RAB11A: variants seen among roughly 807,000 people sequenced by gnomAD.
RAB11A encodes the protein RAB11A, member RAS oncogene family.
RAB11A carries 9 observed loss-of-function variants against 28.0 expected under a neutral mutation model. The ratio of observed to expected loss-of-function variants is 0.32; its 90% confidence interval spans 0.19 to 0.56. RAB11A has a LOEUF of 0.56. RAB11A is among the 20% of genes least tolerant of loss of function. RAB11A has a pLI of 0.91. For synonymous variants in RAB11A, 85 were observed against 88.2 expected, an observed-to-expected ratio of 0.96 and a Z score of 0.20; for missense variants, 108 against 269.6, an observed-to-expected ratio of 0.40 and a Z score of 4.20.
intron 4 of RAB11A, among the ~76,000 whole-genome samples, chr15:65,883,542 G>A (rs1160008926): frequency 1.3e-5 from 2 of 152,140 alleles, no homozygotes; most frequent in Non-Finnish European, 2.9e-5. Context: ...ATGTCTGCTA[G>A]GTTTCTCCAT....
intron 1 of RAB11A, among the ~76,000 whole-genome samples, chr15:65,871,353 G>A (rs541460156): frequency 1.3e-5 from 2 of 152,324 alleles, no homozygotes; most frequent in East Asian, 3.9e-4. Context: ...CAAAACTGAG[G>A]CCTGGATTAC....
chr15:65,891,125 G>A lies in RAB11A; in HGVS notation c.*3285G>A, dbSNP rs1260405638. The A allele has an allele frequency of 6.6e-6, 1 of 152,078 alleles. No homozygotes were observed. Among genetic ancestry groups the A allele is most frequent in the African/African-American group, 2.4e-5 (1 of 41,388 alleles). The allele number at this position is 152,078 out of a possible 1,614,324, so 9.4% of individuals were successfully genotyped here. The stretch of plus-strand genomic sequence containing the variant: ...GGTGCTGGTGCCACGCCCCTTTCTG[G>A]GATTTGACAAGTCTTTCCCACTCAC... On this transcript the variant is annotated 3_prime_UTR_variant, in exon 5 of 5. Transcript: ENST00000261890.
intron 4 of RAB11A, among the ~76,000 whole-genome samples, chr15:65,884,152 TAA>T (rs535422060): frequency 6.9e-6 from 1 of 144,596 alleles, no homozygotes; most frequent in South Asian, 2.2e-4. Flanking sequence ...AAATTAAAAT[TAA>T]AAAAAAAAAG....
chr15:65,874,670 A>G (rs1034977813), intron 1 of RAB11A, among the ~76,000 whole-genome samples: 10 of 152,146 alleles, frequency 6.6e-5, no homozygotes, highest in African/African-American at 2.2e-4. Flanking sequence ...TTATGATGGT[A>G]TAAGGAGTTG....
chr15:65,869,536 G>A lies in RAB11A; in HGVS notation c.-50G>A. The stretch of plus-strand genomic sequence containing the variant: ...GTTACCCCTGCAGCGACGCCCCCTG[G>A]TCCCACAGATACCACTGCTGCTCCC... On this transcript the variant is annotated 5_prime_UTR_variant, in exon 1 of 5. Coordinates refer to ENST00000261890, the MANE Select transcript of RAB11A (RefSeq NM_004663.5). The A allele has an allele frequency of 6.2e-7, 1 of 1,600,370 alleles. No homozygotes were observed.
At position 65,877,734 on chromosome 15, in the gene RAB11A, C is replaced by A; in HGVS notation, c.237-28C>A. 1 of 1,525,562 alleles carries A rather than the reference C, an allele frequency of 6.6e-7. No homozygotes were observed. The highest frequency in any genetic ancestry group is 1.2e-5 in the South Asian group (1 of 81,364). 94.5% of individuals were successfully genotyped at this position (1,525,562 alleles called of 1,614,324 possible). ...GTGTTTGCTTCCATCTTGTGGTTTTCTGATACTAAATATGTTTCTGTTTTC... is the reference window on the plus strand; with the variant it reads ...GTGTTTGCTTCCATCTTGTGGTTTTATGATACTAAATATGTTTCTGTTTTC... On this transcript the variant is annotated intron_variant, in intron 2 of 4. Coordinates refer to ENST00000261890, the MANE Select transcript of RAB11A (RefSeq NM_004663.5). This position sits in a 1 kb window ranked among gnomAD's most constrained non-coding sequence, Gnocchi z 4.1.
Position 65,890,088 on chromosome 15 carries a change from T to A in RAB11A, c.*2248T>A, listed in dbSNP as rs1596795653. The A allele has an allele frequency of 6.6e-6, 1 of 151,570 alleles. No individual in the cohort carries two copies. 9.4% of individuals were successfully genotyped at this position (151,570 alleles called of 1,614,324 possible). Reference sequence around the variant, plus strand: ...TTTTTTTTTTTTTGAGACGGAGTCTTGCTCTGTTGCCCAGGCTGGAGTACA... The same window carrying A: ...TTTTTTTTTTTTTGAGACGGAGTCTAGCTCTGTTGCCCAGGCTGGAGTACA... On this transcript the variant is annotated 3_prime_UTR_variant, in exon 5 of 5. Coordinates refer to ENST00000261890, the MANE Select transcript of RAB11A (RefSeq NM_004663.5).
At position 65,885,638 on chromosome 15, in the gene RAB11A, TAG is replaced by T. The variant is rs140105093; in HGVS notation, c.512-2060_512-2059del. 3.3e-3 allele frequency among the ~76,000 whole-genome samples: 505 copies of T among 152,320 alleles called. 11 individuals carry two copies. The East Asian group carries it at 0.037, about 11-fold the overall frequency. ...CCTTTCACGAGGTCCAAACGATAGG[TAG>T]AGGTTAGGAAGAAAAAGAATCCTGC... is the stretch of plus-strand genomic sequence containing the variant. On this transcript the variant is annotated intron_variant, in intron 4 of 4. Coordinates refer to ENST00000261890, the MANE Select transcript of RAB11A (RefSeq NM_004663.5).
chr15:65,879,924 G>A (rs762484764), intron 4 of RAB11A, among the ~76,000 whole-genome samples, 173 bp downstream of exon 4: 31 of 152,200 alleles, frequency 2.0e-4, no homozygotes, highest in Non-Finnish European at 3.7e-4. Flanking sequence ...TGCTCACTGA[G>A]CTTCAGTTGT....
At position 65,887,620 on chromosome 15, in the gene RAB11A, A is replaced by G. The variant is rs143712256; in HGVS notation, c.512-81A>G. On this transcript the variant is annotated intron_variant, in intron 4 of 4. Coordinates refer to ENST00000261890, the MANE Select transcript of RAB11A (RefSeq NM_004663.5). ...TCCTTAGGGACTTTGATGCAAATATATCTCCTACCTTTATGTATCTTTTAT... is the reference window on the plus strand; with the variant it reads ...TCCTTAGGGACTTTGATGCAAATATGTCTCCTACCTTTATGTATCTTTTAT... 7 of 1,346,428 alleles carry G rather than the reference A, an allele frequency of 5.2e-6. No homozygotes were observed. In the East Asian group the frequency reaches 1.6e-4, roughly 30 times the overall value. The allele number at this position is 1,346,428 out of a possible 1,614,324, so 83.4% of individuals were successfully genotyped here.
intron 1 of RAB11A, among the ~76,000 whole-genome samples, chr15:65,872,891 C>G (rs1180018764): frequency 1.3e-5 from 2 of 152,056 alleles, no homozygotes; most frequent in Non-Finnish European, 2.9e-5. Context: ...CTTTATTGTA[C>G]AGAGATTTAT....
intron 1 of RAB11A, among the ~76,000 whole-genome samples, chr15:65,876,901 T>C (rs955396270): frequency 5.9e-5 from 9 of 152,278 alleles, no homozygotes; most frequent in Admixed American, 3.9e-4. Flanking sequence ...TTTGTTGTTT[T>C]CATTTCTGAT....
At position 65,890,058 on chromosome 15, in the gene RAB11A, A is replaced by AT. The variant is rs200136737; in HGVS notation, c.*2235dup. 770 of 142,414 alleles carry AT rather than the reference A, an allele frequency of 5.4e-3. 1 individual carries two copies. The highest frequency in any genetic ancestry group is 0.015 in the Middle Eastern group (4 of 272). The allele number at this position is 142,414 out of a possible 1,614,324, so 8.8% of individuals were successfully genotyped here. ...TGATTTTCAGTTATTTTAACTTTGA[A>AT]TTTTTTTTTTTTTTTTTGAGACGGA... On this transcript the variant is annotated 3_prime_UTR_variant, in exon 5 of 5. Coordinates refer to ENST00000261890, the MANE Select transcript of RAB11A (RefSeq NM_004663.5).
chr15:65,881,942 A>G (rs1364363743), intron 4 of RAB11A, among the ~76,000 whole-genome samples: 3 of 150,344 alleles, frequency 2.0e-5, no homozygotes, highest in Non-Finnish European at 3.0e-5. Flanking sequence ...GTGCGCCTGT[A>G]GTCCCAGCTG....
intron 1 of RAB11A, among the ~76,000 whole-genome samples, chr15:65,873,285 T>C (rs147152262): frequency 6.6e-6 from 1 of 152,338 alleles, no homozygotes; most frequent in African/African-American, 2.4e-5. Context: ...TATTGTGTGG[T>C]AGACACCAAT....
intron 3 of RAB11A, 79 bp downstream of exon 3, chr15:65,878,034 A>C: frequency 7.6e-7 from 1 of 1,323,822 alleles, no homozygotes; most frequent in Non-Finnish European, 1.1e-6. Flanking sequence ...GTAATAGGTT[A>C]TAATAGTTTC....
At chr15:65,879,218 C>T (rs900162223) in intron 3 of RAB11A, among the ~76,000 whole-genome samples, 20 of 152,242 alleles carry the variant, frequency 1.3e-4, no homozygotes, top group African/African-American at 4.8e-4. Context: ...TGCCATGTTG[C>T]CCAGGCTGGT....
intron 4 of RAB11A, among the ~76,000 whole-genome samples, chr15:65,887,007 G>A (rs2078259711): frequency 6.6e-6 from 1 of 152,070 alleles, no homozygotes; most frequent in African/African-American, 2.4e-5. Context: ...GTACTCTGCC[G>A]AATGCGTCTG....
chr15:65,869,520 G>T lies in RAB11A; in HGVS notation c.-66G>T. 1 of 1,583,726 alleles carries T rather than the reference G, an allele frequency of 6.3e-7. No individual in the cohort carries two copies. On this transcript the variant is annotated 5_prime_UTR_variant, in exon 1 of 5. Transcript: ENST00000261890. ...GAAGCTCGGCGCTCGGGTTACCCCT[G>T]CAGCGACGCCCCCTGGTCCCACAGA...
Sources: gnomAD v4.1 joint callset for allele counts (sites outside exome capture counted in the v4.1 genomes callset) on GRCh38, gnomAD v4.1.1 for gene constraint, Gnocchi (gnomAD v3.1) non-coding constraint, MANE v1.5 for transcripts, NCBI Gene and HGNC (gene_info 2026-07-23, HGNC 2026-07-21) for gene names.